Variants in LRP4 observed in about 807,000 individuals in gnomAD.
The protein encoded by LRP4 is low-density lipoprotein receptor-related protein 4.
LRP4 carries 95 observed loss-of-function variants against 220.3 expected under a neutral mutation model. The ratio of observed to expected loss-of-function variants is 0.43; its 90% confidence interval spans 0.37 to 0.51. LRP4 has a LOEUF of 0.51. LRP4 is among the 20% of genes least tolerant of loss of function. The probability of loss-of-function intolerance (pLI) is 0.00; values close to 1 mark genes in which losing one functional copy is unlikely to be tolerated. For missense variants in LRP4, 1,925 were observed against 2,567.0 expected (o/e 0.75, Z 5.40); for synonymous variants, 903 against 954.6 (o/e 0.95, Z 1.00).
rs772706817 is a variant in LRP4, at chr11:46,859,277, C to T, written c.5424G>A (p.Lys1808=). The change falls in exon 38 of 38, where the codon AAG becomes AAA. Residue 1808 remains lysine, a synonymous_variant. Transcript: ENST00000378623. ...ACAGGAGGCAGATTCCCTCTACGAT[C>T]TTGATCTTCTCCTTGGTGTAGTTAT... ...PDHNYTKEKI[K]IVEGICLLSG... is the part of the protein sequence containing the mutation. 1.1e-5 allele frequency: 17 copies of T among 1,613,998 alleles called. No homozygotes were observed. Among genetic ancestry groups the T allele is most frequent in the Non-Finnish European group, 1.4e-5 (16 of 1,180,044 alleles).
rs1195193893 is a variant in LRP4 at position 46,868,707 on chromosome 11, T to C, written c.4844A>G (p.Asn1615Ser). Residue 1615 changes from asparagine to serine, a missense_variant, in exon 33 of 38, where the codon AAT becomes AGT. By Grantham distance (46) the Asn-to-Ser change is conservative (BLOSUM62 1). Around this residue, in one of 3 missense-constraint regions of LRP4, gnomAD observed 1,244 missense variants for 1,624.9 expected, o/e 0.77. Coordinates refer to ENST00000378623, the MANE Select transcript of LRP4 (RefSeq NM_002334.4). ...VVSPQRQTGT[N>S]ACGVNNGGCT... Reference sequence around the variant, plus strand: ...GCCACCATTGTTCACACCACAGGCATTGGTCCCTGGAGGCAAAGTAGATGA... The same window carrying C: ...GCCACCATTGTTCACACCACAGGCACTGGTCCCTGGAGGCAAAGTAGATGA... 1 of 1,612,044 alleles carries C rather than the reference T, an allele frequency of 6.2e-7. No homozygotes were observed. The highest frequency in any genetic ancestry group is 2.2e-5 in the East Asian group (1 of 44,874).
chr11:46,902,643 C>T, intron 2 of LRP4, 140 bp downstream of exon 2: 1 of 950,554 alleles, frequency 1.1e-6, no homozygotes, highest in South Asian at 1.5e-5. Context: ...ACCCAAATGT[C>T]AATATCTATC....
chr11:46,909,553 C>G (rs1348502664), intron 1 of LRP4, among the ~76,000 whole-genome samples: 1 of 94,122 alleles, frequency 1.1e-5, no homozygotes, highest in Non-Finnish European at 1.9e-5. Flanking sequence ...TGCAGTGAGC[C>G]GAGATTGCGC....
chr11:46,914,594 C>T (rs984487430), intron 1 of LRP4, among the ~76,000 whole-genome samples: 4 of 152,136 alleles, frequency 2.6e-5, no homozygotes, highest in Admixed American at 1.3e-4. Context: ...GGAGGGCTTC[C>T]GCTGCTGAAG....
Position 46,859,277 on chromosome 11 carries a change from CT to C in LRP4, c.5423del (p.Lys1808ArgfsTer3). ...PDHNYTKEKI[K>X]IVEGICLLSG... ...ACAGGAGGCAGATTCCCTCTACGATCTTGATCTTCTCCTTGGTGTAGTTATG... is the reference window on the plus strand; with the variant it reads ...ACAGGAGGCAGATTCCCTCTACGATCTGATCTTCTCCTTGGTGTAGTTATG... On this transcript the variant is annotated frameshift_variant, in exon 38 of 38. Coordinates refer to ENST00000378623, the MANE Select transcript of LRP4 (RefSeq NM_002334.4). LOFTEE classifies it high-confidence loss of function. The C allele has an allele frequency of 1.2e-6, 2 of 1,614,116 alleles. No homozygotes were observed. The highest frequency in any genetic ancestry group is 1.7e-6 in the Non-Finnish European group (2 of 1,180,036).
At position 46,899,562 on chromosome 11, in the gene LRP4, C is replaced by T. The variant is rs1055379962; in HGVS notation, c.431-59G>A. On this transcript the variant is annotated intron_variant, in intron 4 of 37. Transcript: ENST00000378623. This position sits in a 1 kb window ranked among gnomAD's most constrained non-coding sequence, Gnocchi z 5.9. ...GGGCCCCACAGGCAACCCTCTCACC[C>T]TCCTCTCTGACTCCCAACCTCACTG... The T allele has an allele frequency of 8.4e-7, 1 of 1,195,038 alleles. No individual in the cohort carries two copies. The highest frequency in any genetic ancestry group is 1.5e-5 in the African/African-American group (1 of 67,214). 74.0% of individuals were successfully genotyped at this position (1,195,038 alleles called of 1,614,324 possible). A position where few individuals can be genotyped will look rare whatever the true frequency, so the allele number is the denominator to read the frequency against.
Position 46,876,575 on chromosome 11 carries a change from T to C in LRP4, c.3427A>G (p.Thr1143Ala). 1.2e-6 allele frequency: 2 copies of C among 1,614,190 alleles called. No individual in the cohort carries two copies. Among genetic ancestry groups the C allele is most frequent in the Non-Finnish European group, 1.7e-6 (2 of 1,180,042 alleles). ...AIGRKVYWTD[T>A]GTNRIEVGNL... is the part of the protein sequence containing the mutation. ...CCCACTTCAATCCGGTTTGTTCCCG[T>C]GTCTGTCCAGTATACTTTCCGGCCA... Residue 1143 changes from threonine (T) to alanine (A), a missense_variant, in exon 25 of 38, where the codon ACG becomes GCG. Physicochemically the swap from Thr to Ala is moderately conservative, Grantham distance 58 (BLOSUM62 0). Around this residue, in one of 3 missense-constraint regions of LRP4, gnomAD observed 1,244 missense variants for 1,624.9 expected, o/e 0.77. Coordinates refer to ENST00000378623, the MANE Select transcript of LRP4 (RefSeq NM_002334.4).
In LRP4 at chr11:46,899,415, G is replaced by A. The variant is rs754432174; in HGVS notation, c.519C>T (p.Cys173=). The change falls in exon 5 of 38, where the codon TGC becomes TGT. Residue 173 remains cysteine (C), a synonymous_variant. Coordinates refer to ENST00000378623, the MANE Select transcript of LRP4 (RefSeq NM_002334.4). The surrounding 1 kb of genome is among the most constrained non-coding windows in gnomAD (Gnocchi z 5.9). ...EHWYCDGDTD[C]KDGSDEENCP... ...AGTTCTCCTCATCGGAGCCATCTTT[G>A]CAGTCGGTGTCACCGTCGCAGTACC... 1 of 1,614,058 alleles carries A rather than the reference G, an allele frequency of 6.2e-7. No homozygotes were observed. The highest frequency in any genetic ancestry group is 1.7e-5 in the Admixed American group (1 of 60,032).
At chr11:46,883,146 TA>T (rs1002774406) in intron 19 of LRP4, among the ~76,000 whole-genome samples, 20 of 151,544 alleles carry the variant, frequency 1.3e-4, no homozygotes, top group Non-Finnish European at 1.5e-5. Context: ...AAACCAACAA[TA>T]AAAAAAAGAT....
intron 34 of LRP4, among the ~76,000 whole-genome samples, chr11:46,866,450 T>TA (rs11398155): frequency 0.15 from 22,337 of 150,554 alleles, 2,508 homozygotes; most frequent in African/African-American, 0.32. Context: ...CCTGGCTAAT[T>TA]AAAAAAAAAC....
chr11:46,901,097 C>T (rs1443897922), intron 2 of LRP4, among the ~76,000 whole-genome samples: 1 of 152,140 alleles, frequency 6.6e-6, no homozygotes, highest in Non-Finnish European at 1.5e-5. Context: ...CACCCAGCCC[C>T]CTTGTCTGTT....
chr11:46,893,586 C>T (rs1941466550), intron 12 of LRP4, among the ~76,000 whole-genome samples: 1 of 152,140 alleles, frequency 6.6e-6, no homozygotes, highest in Non-Finnish European at 1.5e-5. Flanking sequence ...GACAAGTGAG[C>T]TGTTTCTGTG....
At chr11:46,905,127 G>A (rs962334447) in intron 1 of LRP4, among the ~76,000 whole-genome samples, 1 of 152,126 alleles carries the variant, frequency 6.6e-6, no homozygotes, top group Non-Finnish European at 1.5e-5. Context: ...TACAAATGCA[G>A]GGTAGAGGAT....
chr11:46,872,038 C>A (rs191580702), intron 30 of LRP4, among the ~76,000 whole-genome samples: 267 of 151,864 alleles, frequency 1.8e-3, no homozygotes, highest in African/African-American at 6.1e-3. Context: ...CGGGGGATCA[C>A]TTGAGGTCAG....
intron 16 of LRP4, among the ~76,000 whole-genome samples, chr11:46,888,266 A>C (rs1941341694): frequency 6.6e-6 from 1 of 151,400 alleles, no homozygotes; most frequent in African/African-American, 2.4e-5. Context: ...ACAAAAAAAA[A>C]AAAAATGCCA....
At chr11:46,912,834 C>T (rs1340148014) in intron 1 of LRP4, among the ~76,000 whole-genome samples, 1 of 152,270 alleles carries the variant, frequency 6.6e-6, no homozygotes, top group East Asian at 1.9e-4. Context: ...AAGGCACTGC[C>T]TGGAGCCAGG....
chr11:46,883,952 T>C lies in LRP4; in HGVS notation c.2531A>G (p.Asn844Ser), dbSNP rs2134821602. 2 of 1,614,040 alleles carry C rather than the reference T, an allele frequency of 1.2e-6. No homozygotes were observed. Among genetic ancestry groups the C allele is most frequent in the East Asian group, 4.5e-5 (2 of 44,886 alleles). The change falls in exon 19 of 38, where the codon AAC becomes AGC. Residue 844 changes from asparagine to serine, a missense_variant. By Grantham distance (46) the Asn-to-Ser change is conservative. Around this residue, in one of 3 missense-constraint regions of LRP4, gnomAD observed 1,244 missense variants for 1,624.9 expected, o/e 0.77. Coordinates refer to ENST00000378623, the MANE Select transcript of LRP4 (RefSeq NM_002334.4). ...TACTGTTCTCATGCTGCCATCTGTGTTGGCTACTTCAATCCGGTCTGTACC... is the reference window on the plus strand; with the variant it reads ...TACTGTTCTCATGCTGCCATCTGTGCTGGCTACTTCAATCCGGTCTGTACC... ...DAGTDRIEVA[N>S]TDGSMRTVLI... is the part of the protein sequence containing the mutation.
intron 33 of LRP4, among the ~76,000 whole-genome samples, chr11:46,868,338 G>A (rs999519674): frequency 2.0e-5 from 3 of 152,218 alleles, no homozygotes; most frequent in Non-Finnish European, 4.4e-5. Flanking sequence ...AGAGAGTGAT[G>A]CACAGGCCAC....
In LRP4 at chr11:46,879,204, C is replaced by A; in HGVS notation, c.2926G>T (p.Gly976Trp). Residue 976 changes from glycine to tryptophan, a missense_variant, in exon 21 of 38, where the codon GGG becomes TGG. Coordinates refer to ENST00000378623, the MANE Select transcript of LRP4 (RefSeq NM_002334.4). ...KSIQSADRLT[G>W]LDRETLQENL... ...TCCTGCAGAGTCTCCCGGTCCAGCCCTGTCAGCCGGTCAGCGCTCTGTATG... is the reference window on the plus strand; with the variant it reads ...TCCTGCAGAGTCTCCCGGTCCAGCCATGTCAGCCGGTCAGCGCTCTGTATG... The A allele has an allele frequency of 6.2e-7, 1 of 1,614,258 alleles. No individual in the cohort carries two copies. Among genetic ancestry groups the A allele is most frequent in the Non-Finnish European group, 8.5e-7 (1 of 1,180,050 alleles).
Sources: allele counts gnomAD v4.1 joint callset (sites outside exome capture counted in the v4.1 genomes callset), GRCh38; gene constraint gnomAD v4.1.1; regional missense constraint gnomAD v4.1.1; non-coding constraint Gnocchi (gnomAD v3.1); transcripts MANE v1.5; gene names NCBI Gene and HGNC (gene_info 2026-07-23, HGNC 2026-07-21).